FAS: variants seen among roughly 807,000 people sequenced by gnomAD.
The protein encoded by FAS is tumor necrosis factor receptor superfamily member 6.
FAS carries 5 observed loss-of-function variants against 33.2 expected under a neutral mutation model. The ratio of observed to expected loss-of-function variants is 0.15; its 90% confidence interval spans 0.08 to 0.32. The LOEUF is 0.32. Ranked by LOEUF, FAS falls within the 10% of genes least tolerant of loss-of-function variation. FAS has a pLI of 1.00. For missense variants in FAS, 339 were observed against 386.0 expected (o/e 0.88, Z 1.02); for synonymous variants, 131 against 130.7 (o/e 1.00, Z -0.01).
rs569264154 is a variant in FAS, at chr10:88,980,229, A to G, written n.260+6882A>G. Among the ~76,000 whole-genome samples the G allele has an allele frequency of 2.6e-5, 4 of 152,106 alleles. No individual in the cohort carries two copies. In the South Asian group the frequency reaches 8.5e-4, roughly 32 times the overall value. ...AGGAATTAAACATAATGCACTTTAA[A>G]TGTACAACTAAGAAGTCAGGGCATG... On this transcript the variant is annotated intron_variant and non_coding_transcript_variant, in intron 2 of 3. Coordinates refer to the FAS transcript ENST00000688239.
rs751156883 is a variant in FAS, at chr10:89,015,742, A to T, written c.*1292A>T. ...TTTTTTGCCCCTTGTGTTTGGAATT[A>T]TAAAATATAGGTAAAAGTACGTAAT... On this transcript the variant is annotated 3_prime_UTR_variant, in exon 9 of 9. Coordinates refer to ENST00000652046, the MANE Select transcript of FAS (RefSeq NM_000043.6). 1 of 499,234 alleles carries T rather than the reference A, an allele frequency of 2.0e-6. No individual in the cohort carries two copies. Among genetic ancestry groups the T allele is most frequent in the South Asian group, 1.8e-5 (1 of 55,110 alleles). The allele number at this position is 499,234 out of a possible 1,614,324, so 30.9% of individuals were successfully genotyped here.
At chr10:88,993,228 T>C (rs373884946) in intron 1 of FAS, among the ~76,000 whole-genome samples, 8 of 152,176 alleles carry the variant, frequency 5.3e-5, no homozygotes, top group Non-Finnish European at 8.8e-5. Context: ...TCCCAAAAAG[T>C]TGACAAATTT....
chr10:88,998,763 T>C (rs974060289), intron 1 of FAS, among the ~76,000 whole-genome samples: 1 of 152,196 alleles, frequency 6.6e-6, no homozygotes, highest in African/African-American at 2.4e-5. Flanking sequence ...TCCTTTCTGC[T>C]CTAAATTGTA....
chr10:88,994,617 T>C (rs1044367514), intron 1 of FAS, among the ~76,000 whole-genome samples: 4 of 152,108 alleles, frequency 2.6e-5, no homozygotes, highest in Non-Finnish European at 4.4e-5. Context: ...ATTTTGATTT[T>C]ACTTATAAAT....
intron 1 of FAS, among the ~76,000 whole-genome samples, chr10:89,001,406 C>G (rs945577502): frequency 5.3e-5 from 8 of 151,496 alleles, no homozygotes; most frequent in African/African-American, 1.9e-4. Flanking sequence ...TTTTCAGATC[C>G]TAGCTCATCA....
At chr10:89,005,778 C>T (rs983307653) in intron 2 of FAS, among the ~76,000 whole-genome samples, 46 of 152,208 alleles carry the variant, frequency 3.0e-4, no homozygotes, top group African/African-American at 1.1e-3. Context: ...GCTGGGACTA[C>T]AGGAGCACAC....
At chr10:88,974,834 C>G (rs1458830265) in intron 2 of FAS, 2 of 152,172 alleles carry the variant, frequency 1.3e-5, no homozygotes, top group Non-Finnish European at 2.9e-5. Context: ...GAACGTGGCC[C>G]TGCAGTTAGA....
intron 7 of FAS, chr10:89,012,619 AGAGTGT>A (rs1396244770): frequency 5.0e-5 from 8 of 158,526 alleles, no homozygotes; most frequent in African/African-American, 1.9e-4. Context: ...GAGGGAATTG[AGAGTGT>A]GCTGAAAATG....
intron 2 of FAS, among the ~76,000 whole-genome samples, chr10:88,976,945 G>A (rs573897018): frequency 2.0e-5 from 3 of 152,308 alleles, no homozygotes; most frequent in Non-Finnish European, 1.5e-5. Context: ...TCTGGTGAAG[G>A]TAATTTTTGC....
intron 2 of FAS, among the ~76,000 whole-genome samples, chr10:89,007,024 G>GA (rs1299728803): frequency 1.3e-5 from 2 of 152,106 alleles, no homozygotes; most frequent in Non-Finnish European, 2.9e-5. Flanking sequence ...GTCTTTTGAT[G>GA]AAAAAGTAAT....
chr10:89,009,923 T>A (rs1268644556), intron 4 of FAS, among the ~76,000 whole-genome samples: 1 of 152,230 alleles, frequency 6.6e-6, no homozygotes, highest in Admixed American at 6.5e-5. Flanking sequence ...ATTGATGAGA[T>A]AAAAGGCTCA....
upstream of FAS, among the ~76,000 whole-genome samples, chr10:88,988,518 A>G (rs1468041503): frequency 6.7e-6 from 1 of 149,760 alleles, no homozygotes; most frequent in African/African-American, 2.5e-5. Flanking sequence ...AGAAACCAGG[A>G]TATCTTTTGA....
intron 1 of FAS, among the ~76,000 whole-genome samples, chr10:88,993,457 T>C (rs1249499667): frequency 1.3e-5 from 2 of 152,148 alleles, no homozygotes; most frequent in Non-Finnish European, 2.9e-5. Context: ...TAAGAGTCCA[T>C]GGATTTTTAT....
chr10:88,990,504 C>T (rs1298696727), upstream of FAS: 1 of 584,054 alleles, frequency 1.7e-6, no homozygotes, highest in Non-Finnish European at 3.2e-6. The surrounding 1 kb of genome is among the most constrained non-coding windows in gnomAD (Gnocchi z 4.9). Flanking sequence ...AACCCTGACT[C>T]CTTCCTCACC....
At chr10:88,988,109 A>T (rs570096812), upstream of FAS, among the ~76,000 whole-genome samples, 1 of 152,290 alleles carries the variant, frequency 6.6e-6, no homozygotes, top group East Asian at 1.9e-4. Context: ...ACTCCTATCT[A>T]TCTTTCCATT....
At chr10:89,009,130 CTGTT>C (rs1848401419) in intron 4 of FAS, 133 bp downstream of exon 4, 1 of 890,840 alleles carries the variant, frequency 1.1e-6, no homozygotes. Context: ...AACTAGATGA[CTGTT>C]TGCTCATTTA....
chr10:88,972,297 A>G (rs1846464853), intron 1 of FAS, among the ~76,000 whole-genome samples: 1 of 152,094 alleles, frequency 6.6e-6, no homozygotes, highest in South Asian at 2.1e-4. Flanking sequence ...AAATTCAGCT[A>G]TTGTCTTGTC....
chr10:89,014,838 G>T lies in FAS; in HGVS notation c.*388G>T. 9.2e-6 allele frequency: 5 copies of T among 541,390 alleles called. No homozygotes were observed. Among genetic ancestry groups the T allele is most frequent in the Non-Finnish European group, 1.8e-5 (5 of 281,558 alleles). The allele number at this position is 541,390 out of a possible 1,614,324, so 33.5% of individuals were successfully genotyped here. ...TCTATGAATCAATAGAAGAAGCTAT[G>T]ACCTTTTGCTGAAATATCAGTTACT... On this transcript the variant is annotated 3_prime_UTR_variant, in exon 9 of 9. Transcript: ENST00000652046.
chr10:88,987,823 T>A (rs11599850), upstream of FAS, among the ~76,000 whole-genome samples: 144 of 152,328 alleles, frequency 9.5e-4, no homozygotes, highest in Middle Eastern at 6.8e-3. Context: ...TCAAACACTA[T>A]CTTAGATGTT....
Sources: allele counts gnomAD v4.1 joint callset (sites outside exome capture counted in the v4.1 genomes callset), GRCh38; gene constraint gnomAD v4.1.1; non-coding constraint Gnocchi (gnomAD v3.1); transcripts MANE v1.5; gene names NCBI Gene and HGNC (gene_info 2026-07-23, HGNC 2026-07-21).